MIPOL1: variants seen among roughly 807,000 people sequenced by gnomAD.
MIPOL1 encodes mirror-image polydactyly 1.
Under a neutral mutation model 60.9 loss-of-function variants are expected in MIPOL1, and 57 were observed. The ratio of observed to expected loss-of-function variants is 0.94; its 90% confidence interval spans 0.76 to 1.17. The LOEUF (loss-of-function observed/expected upper bound fraction) is 1.17. Ranked by LOEUF, MIPOL1 falls within the 50% of genes most tolerant of loss-of-function variation. MIPOL1 has a pLI of 0.00. For synonymous variants in MIPOL1, 179 were observed against 168.8 expected, an observed-to-expected ratio of 1.06 and a Z score of -0.47; for missense variants, 551 against 511.6, an observed-to-expected ratio of 1.08 and a Z score of -0.74.
intron 9 of MIPOL1, among the ~76,000 whole-genome samples, chr14:37,358,554 T>G (rs1044635473): frequency 3.3e-5 from 5 of 152,214 alleles, no homozygotes; most frequent in Admixed American, 6.5e-5. Flanking sequence ...TGGTATCTCA[T>G]TGTGGTTTTG....
intron 10 of MIPOL1, among the ~76,000 whole-genome samples, chr14:37,411,709 C>T (rs977419895): frequency 2.0e-5 from 3 of 152,220 alleles, no homozygotes; most frequent in East Asian, 1.9e-4. Flanking sequence ...CTAGAGACTG[C>T]GTGGCCCACA....
At chr14:37,297,644 A>T (rs2085884496) in intron 7 of MIPOL1, among the ~76,000 whole-genome samples, 1 of 152,292 alleles carries the variant, frequency 6.6e-6, no homozygotes, top group Admixed American at 6.5e-5. Context: ...AATCACAAGC[A>T]TTCTTATACA....
chr14:37,447,284 C>G (rs375320950), intron 11 of MIPOL1, among the ~76,000 whole-genome samples: 2 of 151,988 alleles, frequency 1.3e-5, no homozygotes, highest in African/African-American at 4.8e-5. Context: ...ATGACTGTTG[C>G]TTTTTCTTAT....
At chr14:37,375,712 C>T (rs946319173) in intron 10 of MIPOL1, among the ~76,000 whole-genome samples, 15 of 152,012 alleles carry the variant, frequency 9.9e-5, no homozygotes, top group Admixed American at 3.3e-4. Context: ...CACTAGTTTT[C>T]TTTCCTTTCT....
intron 1 of MIPOL1, among the ~76,000 whole-genome samples, chr14:37,240,755 A>G (rs1037273835): frequency 5.3e-5 from 8 of 152,006 alleles, no homozygotes; most frequent in African/African-American, 1.5e-4. Flanking sequence ...TTCATTCTCA[A>G]AGTGTCATTT....
intron 7 of MIPOL1, among the ~76,000 whole-genome samples, chr14:37,300,088 T>C (rs78153810): frequency 6.6e-6 from 1 of 152,006 alleles, no homozygotes; most frequent in East Asian, 2.0e-4. Context: ...TAGGATTTAC[T>C]ATCAGTAATA....
At chr14:37,334,356 A>G (rs1181832365) in intron 9 of MIPOL1, among the ~76,000 whole-genome samples, 1 of 151,960 alleles carries the variant, frequency 6.6e-6, no homozygotes, top group African/African-American at 2.4e-5. Context: ...AAAGAATGAA[A>G]TGGAAGAGTT....
intron 9 of MIPOL1, among the ~76,000 whole-genome samples, chr14:37,361,018 A>G (rs2092202002): frequency 1.3e-5 from 2 of 152,126 alleles, no homozygotes; most frequent in Admixed American, 6.6e-5. Context: ...GTTACGTTGT[A>G]TCTTTGTTCT....
intron 11 of MIPOL1, among the ~76,000 whole-genome samples, chr14:37,442,968 C>T (rs1213342634): frequency 6.6e-6 from 1 of 152,052 alleles, no homozygotes; most frequent in Non-Finnish European, 1.5e-5. Context: ...AAATTGAATT[C>T]TAATTCTCAA....
chr14:37,355,010 C>G (rs1282175491), intron 9 of MIPOL1, among the ~76,000 whole-genome samples: 3 of 126,944 alleles, frequency 2.4e-5, no homozygotes, highest in South Asian at 3.0e-4. Flanking sequence ...TCTTGATGGT[C>G]TTTACATTTT....
In MIPOL1 at chr14:37,459,083, C is replaced by T. The variant is rs1249352556; in HGVS notation, c.1031+36134C>T. ...GATAAAAAGGTCTTGAATTAACAAC[C>T]TAATGCCACACCTCACCCCTAGGAA... On this transcript the variant is annotated intron_variant, in intron 11 of 12. Coordinates refer to ENST00000684589, the MANE Select transcript of MIPOL1 (RefSeq NM_001388067.1). Among the ~76,000 whole-genome samples the T allele has an allele frequency of 4.6e-5, 7 of 151,804 alleles. No homozygotes were observed. In the East Asian group the frequency reaches 1.2e-3, roughly 25 times the overall value.
intron 7 of MIPOL1, among the ~76,000 whole-genome samples, chr14:37,299,094 A>G (rs1594996158): frequency 6.6e-6 from 1 of 152,194 alleles, no homozygotes; most frequent in East Asian, 1.9e-4. Context: ...TGGCACATAT[A>G]CAGCATGGAA....
In MIPOL1 at chr14:37,550,140, G is replaced by A. The variant is rs1249195654; in HGVS notation, c.*3169G>A. ...GCTAATTTTTTTCAATGATAAAGTT[G>A]ATCCTTTGTATATTTCCTTATTCAA... On this transcript the variant is annotated 3_prime_UTR_variant, in exon 13 of 13. Transcript: ENST00000684589. 1 of 150,856 alleles carries A rather than the reference G, an allele frequency of 6.6e-6. No homozygotes were observed. Among genetic ancestry groups the A allele is most frequent in the Non-Finnish European group, 1.5e-5 (1 of 67,582 alleles). The allele number at this position is 150,856 out of a possible 1,614,324, so 9.3% of individuals were successfully genotyped here.
At chr14:37,456,045 C>T (rs1224228102) in intron 11 of MIPOL1, among the ~76,000 whole-genome samples, 2 of 151,770 alleles carry the variant, frequency 1.3e-5, no homozygotes, top group Admixed American at 6.6e-5. Context: ...GTGCTGACAG[C>T]GTTATTGTAG....
chr14:37,341,106 A>C (rs2090538396), intron 9 of MIPOL1, among the ~76,000 whole-genome samples: 2 of 152,188 alleles, frequency 1.3e-5, no homozygotes, highest in Admixed American at 6.5e-5. Flanking sequence ...GCACAACAAC[A>C]AAATAGCCTA....
chr14:37,443,278 G>A (rs150138599), intron 11 of MIPOL1, among the ~76,000 whole-genome samples: 1,596 of 151,982 alleles, frequency 0.011, 11 homozygotes, highest in Middle Eastern at 0.017. Flanking sequence ...GGGAAACACA[G>A]TGAGACCCTA....
intron 7 of MIPOL1, among the ~76,000 whole-genome samples, chr14:37,288,080 G>A (rs1325998602): frequency 2.6e-5 from 4 of 152,176 alleles, no homozygotes; most frequent in East Asian, 1.9e-4. Flanking sequence ...TCAGATTCAC[G>A]TTGCCCTGAA....
intron 3 of MIPOL1, among the ~76,000 whole-genome samples, chr14:37,264,377 A>G (rs774988528): frequency 1.3e-5 from 2 of 151,890 alleles, no homozygotes; most frequent in Non-Finnish European, 2.9e-5. Flanking sequence ...TGTAATCCCA[A>G]TACTTTGGGA....
intron 12 of MIPOL1, among the ~76,000 whole-genome samples, chr14:37,520,028 C>A (rs1011636821): frequency 6.6e-6 from 1 of 152,092 alleles, no homozygotes; most frequent in African/African-American, 2.4e-5. Flanking sequence ...CAACAGGGGC[C>A]TGATTGCCTT....
Sources: allele counts gnomAD v4.1 joint callset (sites outside exome capture counted in the v4.1 genomes callset), GRCh38; gene constraint gnomAD v4.1.1; transcripts MANE v1.5; gene names NCBI Gene and HGNC (gene_info 2026-07-23, HGNC 2026-07-21).